The following VAV2 variants were observed in gnomAD, a reference collection of about 807,000 sequenced individuals.
VAV2 encodes vav guanine nucleotide exchange factor 2.
Under a neutral mutation model 132.5 loss-of-function variants are expected in VAV2, and 67 were observed. That is an observed-to-expected ratio of 0.51 (90% CI 0.42 to 0.62). The LOEUF (loss-of-function observed/expected upper bound fraction) is 0.62, where lower values mean the gene tolerates loss of function less well. Among genes scored for constraint, VAV2 ranks in the 20% least tolerant of loss-of-function variants. VAV2 has a pLI of 0.00. For missense variants in VAV2, 938 were observed against 1,153.6 expected (o/e 0.81, Z 2.71); for synonymous variants, 492 against 443.5 (o/e 1.11, Z -1.37).
At position 133,837,722 on chromosome 9, in the gene VAV2, A is replaced by G. The variant is rs575513644; in HGVS notation, c.381-3382T>C. ...TCAAAAAAAATAAATTAAAAAAAAA[A>G]AAAAAACCTTTTTAAAAACCTGACC... On this transcript the variant is annotated intron_variant, in intron 3 of 29. Transcript: ENST00000371850. Among the ~76,000 whole-genome samples, 4 of 152,092 alleles carry G rather than the reference A, an allele frequency of 2.6e-5. No homozygotes were observed. In the South Asian group the frequency reaches 8.3e-4, roughly 32 times the overall value.
chr9:133,768,691 G>A lies in VAV2; in HGVS notation c.2435-95C>T. 2 of 1,457,044 alleles carry A rather than the reference G, an allele frequency of 1.4e-6. No individual in the cohort carries two copies. The highest frequency in any genetic ancestry group is 1.4e-5 in the African/African-American group (1 of 71,528). 90.3% of individuals were successfully genotyped at this position (1,457,044 alleles called of 1,614,324 possible). On this transcript the variant is annotated intron_variant, in intron 28 of 29. Coordinates refer to ENST00000371850, the MANE Select transcript of VAV2 (RefSeq NM_001134398.2). This position sits in a 1 kb window ranked among gnomAD's most constrained non-coding sequence, Gnocchi z 5.3. ...GGCCAAGCTGGGTCTCTCCCCTGGT[G>A]CCCAGAACCCTGCTCTGTACCCAGA...
intron 19 of VAV2, among the ~76,000 whole-genome samples, chr9:133,782,098 G>A (rs978722939): frequency 1.0e-4 from 14 of 137,418 alleles, no homozygotes; most frequent in East Asian, 3.9e-4. Flanking sequence ...TTAATAATCC[G>A]GCGGGGGCGG....
rs1409078023 is a variant in VAV2, at chr9:133,794,714, C to T, written c.1101+954G>A. Among the ~76,000 whole-genome samples, 3 of 152,106 alleles carry T rather than the reference C, an allele frequency of 2.0e-5. No homozygotes were observed. The highest frequency in any genetic ancestry group is 2.1e-4 in the South Asian group (1 of 4,824). ...CCGACGAGGGAGATGTGGGGGGGGTCGTCATCCCTCCACCCAGATGCAGCT... is the reference window on the plus strand; with the variant it reads ...CCGACGAGGGAGATGTGGGGGGGGTTGTCATCCCTCCACCCAGATGCAGCT... On this transcript the variant is annotated intron_variant, in intron 12 of 29. Transcript: ENST00000371850. The surrounding 1 kb of genome is among the most constrained non-coding windows in gnomAD (Gnocchi z 4.6).
chr9:133,850,518 C>T lies in VAV2; in HGVS notation c.380+10856G>A, dbSNP rs954050598. Among the ~76,000 whole-genome samples, 5 of 152,226 alleles carry T rather than the reference C, an allele frequency of 3.3e-5. No individual in the cohort carries two copies. In the East Asian group the frequency reaches 5.8e-4, roughly 18 times the overall value. ...AACAAATAAAGAAACAAATGGACGG[C>T]TATGGACTCCTTGGGCTGAGTATCA... On this transcript the variant is annotated intron_variant, in intron 3 of 29. Transcript: ENST00000371850.
intron 5 of VAV2, 78 bp from the exon 6 acceptor site, chr9:133,810,283 A>C: frequency 1.3e-6 from 2 of 1,599,302 alleles, no homozygotes; most frequent in Non-Finnish European, 1.7e-6. Flanking sequence ...GGCCTGGGAC[A>C]TCAGGAACGC....
At chr9:133,982,711 C>T (rs538126370) in intron 1 of VAV2, among the ~76,000 whole-genome samples, 3 of 152,242 alleles carry the variant, frequency 2.0e-5, no homozygotes, top group South Asian at 2.1e-4. Flanking sequence ...TCATAGGGCC[C>T]GCCGCCTGGT....
At chr9:133,982,834 C>T (rs2132296687) in intron 1 of VAV2, among the ~76,000 whole-genome samples, 1 of 152,356 alleles carries the variant, frequency 6.6e-6, no homozygotes, top group East Asian at 1.9e-4. Flanking sequence ...TAACACATTT[C>T]AAATTTCATT....
intron 1 of VAV2, among the ~76,000 whole-genome samples, chr9:133,967,333 T>C (rs188209488): frequency 9.9e-4 from 151 of 152,276 alleles, no homozygotes; most frequent in African/African-American, 3.2e-3. Context: ...ACAGCCACTA[T>C]AGGAAACAGT....
At chr9:133,894,462 C>T (rs556947298) in intron 2 of VAV2, among the ~76,000 whole-genome samples, 4 of 152,314 alleles carry the variant, frequency 2.6e-5, no homozygotes, top group Admixed American at 1.3e-4. Flanking sequence ...AGGTGGAAAC[C>T]GCCTTTACGC....
intron 3 of VAV2, among the ~76,000 whole-genome samples, chr9:133,848,242 T>C (rs941488863): frequency 1.5e-5 from 2 of 135,508 alleles, no homozygotes; most frequent in African/African-American, 2.8e-5. Context: ...ATCGCGCCAT[T>C]GCACTCCAGC....
chr9:133,895,104 G>A (rs1366268327), intron 2 of VAV2, among the ~76,000 whole-genome samples: 4 of 152,106 alleles, frequency 2.6e-5, no homozygotes, highest in Non-Finnish European at 5.9e-5. Context: ...AGGGCCGCCC[G>A]CAGGAGAATG....
chr9:133,968,899 C>T (rs1418695184), intron 1 of VAV2, among the ~76,000 whole-genome samples: 1 of 152,200 alleles, frequency 6.6e-6, no homozygotes, highest in Non-Finnish European at 1.5e-5. Flanking sequence ...CACTGAGAAC[C>T]ACCACGAGGC....
chr9:133,873,762 T>C (rs1838153684), intron 2 of VAV2, among the ~76,000 whole-genome samples: 1 of 152,178 alleles, frequency 6.6e-6, no homozygotes, highest in Admixed American at 6.5e-5. Flanking sequence ...GGAAGCAGCT[T>C]AGCAGCCATC....
chr9:133,933,489 A>ATGAG (rs1840760379), intron 2 of VAV2, among the ~76,000 whole-genome samples: 1 of 18,726 alleles, frequency 5.3e-5, no homozygotes, highest in Non-Finnish European at 1.8e-4. Context: ...GAGTGGATGG[A>ATGAG]TGGATGGATG....
rs142726584 is a variant in VAV2, at chr9:133,834,587, C to T, written c.381-247G>A. ...GGCAAGGAATGTGTCACGCCCACTC[C>T]GGGCTCCGGGTGTCCAGTGGGAAGA... On this transcript the variant is annotated intron_variant, in intron 3 of 29. Coordinates refer to ENST00000371850, the MANE Select transcript of VAV2 (RefSeq NM_001134398.2). The surrounding 1 kb of genome is among the most constrained non-coding windows in gnomAD (Gnocchi z 5.9). Among the ~76,000 whole-genome samples the T allele has an allele frequency of 0.012, 1,777 of 152,338 alleles. 29 individuals carry two copies. The highest frequency in any genetic ancestry group is 0.041 in the African/African-American group (1,689 of 41,580).
At chr9:133,815,470 C>T (rs117379428) in intron 4 of VAV2, among the ~76,000 whole-genome samples, 11 of 152,244 alleles carry the variant, frequency 7.2e-5, no homozygotes, top group Non-Finnish European at 1.3e-4. Context: ...GTCTCCTTCC[C>T]GCCCCGAGCA....
intron 1 of VAV2, among the ~76,000 whole-genome samples, chr9:133,950,568 G>T (rs1043115826): frequency 1.3e-5 from 2 of 152,180 alleles, no homozygotes; most frequent in Non-Finnish European, 2.9e-5. Context: ...TCAAACCAAA[G>T]GTTTTCTATA....
chr9:133,933,371 G>A (rs2519817), intron 2 of VAV2, among the ~76,000 whole-genome samples: 1 of 152,202 alleles, frequency 6.6e-6, no homozygotes, highest in African/African-American at 2.4e-5. Context: ...TACTAAATAC[G>A]TGGTAAATTA....
chr9:133,866,373 C>T (rs1440387039), intron 2 of VAV2, among the ~76,000 whole-genome samples: 2 of 152,200 alleles, frequency 1.3e-5, no homozygotes, highest in Non-Finnish European at 2.9e-5. Context: ...CCTACGCCTT[C>T]TGCAGAGCAG....
Sources: gnomAD v4.1 joint callset for allele counts (sites outside exome capture counted in the v4.1 genomes callset) on GRCh38, gnomAD v4.1.1 for gene constraint, Gnocchi (gnomAD v3.1) non-coding constraint, MANE v1.5 for transcripts, NCBI Gene and HGNC (gene_info 2026-07-23, HGNC 2026-07-21) for gene names.